RIPOR3: variants seen among roughly 807,000 people sequenced by gnomAD.
The protein encoded by RIPOR3 is RIPOR family member 3, also known as family with sequence similarity 65 member C.
RIPOR3 carries 95 observed loss-of-function variants against 114.3 expected under a neutral mutation model. The observed-to-expected ratio is 0.83, with a 90% CI of 0.70 to 0.99. The LOEUF (loss-of-function observed/expected upper bound fraction) is 0.99, where lower values mean the gene tolerates loss of function less well. RIPOR3 is among the 50% of genes least tolerant of loss of function. The pLI is 0.00. For missense variants in RIPOR3, 1,252 were observed against 1,266.9 expected (o/e 0.99, Z 0.18); for synonymous variants, 575 against 543.8 (o/e 1.06, Z -0.80).
Position 50,623,400 on chromosome 20 carries a change from C to T in RIPOR3, c.123-3268G>A, listed in dbSNP as rs569299491. Among the ~76,000 whole-genome samples, 241 of 152,126 alleles carry T rather than the reference C, an allele frequency of 1.6e-3. 3 individuals are homozygous for T. The highest frequency in any genetic ancestry group is 5.5e-3 in the African/African-American group (229 of 41,516). On this transcript the variant is annotated intron_variant, in intron 2 of 21. Coordinates refer to ENST00000327979, the MANE Select transcript of RIPOR3 (RefSeq NM_001290268.2). The stretch of plus-strand genomic sequence containing the variant: ...GGCCCCTGCAGGCAGAGCGGGATAG[C>T]GAGTGCACCCCTGGGTGTTCCCAGC...
intron 1 of RIPOR3, among the ~76,000 whole-genome samples, chr20:50,665,479 G>A (rs1389150376): frequency 6.7e-6 from 1 of 149,536 alleles, no homozygotes; most frequent in African/African-American, 2.5e-5. Flanking sequence ...GGAGGGCAGT[G>A]GTGTGATCTC....
intron 1 of RIPOR3, among the ~76,000 whole-genome samples, chr20:50,686,291 C>T (rs2087020429): frequency 1.3e-5 from 2 of 151,894 alleles, no homozygotes; most frequent in African/African-American, 4.8e-5. Flanking sequence ...CTCCTGACCT[C>T]GTGATCCACC....
chr20:50,677,922 G>A (rs1159900360), intron 1 of RIPOR3, among the ~76,000 whole-genome samples: 10 of 151,546 alleles, frequency 6.6e-5, no homozygotes, highest in South Asian at 4.2e-4. Context: ...CACCTGTCCC[G>A]ACCTCCCAAA....
At chr20:50,588,614 A>G (rs2082999686) in intron 20 of RIPOR3, among the ~76,000 whole-genome samples, 1 of 152,164 alleles carries the variant, frequency 6.6e-6, no homozygotes, top group Non-Finnish European at 1.5e-5. Context: ...GTTTTTTTAA[A>G]GCTTTATGCA....
At chr20:50,632,503 C>T (rs909727996) in intron 1 of RIPOR3, among the ~76,000 whole-genome samples, 2 of 152,180 alleles carry the variant, frequency 1.3e-5, no homozygotes, top group Admixed American at 6.5e-5. Context: ...CGGCTTCTAG[C>T]CCGGATGGAG....
chr20:50,587,240 T>G lies in RIPOR3; in HGVS notation c.2845A>C (p.Ile949Leu), dbSNP rs761339265. Residue 949 changes from isoleucine (I) to leucine (L), a missense_variant, in exon 22 of 22, where the codon ATA (isoleucine) becomes CTA (leucine). Transcript: ENST00000327979. Reference sequence around the variant, plus strand: ...TCATCAGCCAGGATTTTTTAAAATATTGTGATTTCAACATCTGCCTCCTGG... The same window carrying G: ...TCATCAGCCAGGATTTTTTAAAATAGTGTGATTTCAACATCTGCCTCCTGG... ...FCQEADVEIT[I>L]F The G allele has an allele frequency of 6.2e-7, 1 of 1,613,610 alleles. No individual in the cohort carries two copies. The highest frequency in any genetic ancestry group is 2.2e-5 in the East Asian group (1 of 44,900).
chr20:50,625,307 A>C (rs2084578023), intron 2 of RIPOR3, among the ~76,000 whole-genome samples: 1 of 152,100 alleles, frequency 6.6e-6, no homozygotes, highest in Non-Finnish European at 1.5e-5. Flanking sequence ...CCTGAGCTCA[A>C]GTGATCCGCC....
chr20:50,632,628 G>A (rs1010754915), intron 1 of RIPOR3, among the ~76,000 whole-genome samples: 6 of 152,252 alleles, frequency 3.9e-5, no homozygotes, highest in African/African-American at 1.4e-4. Context: ...TGTACAGATG[G>A]GGAAGTTGAG....
intron 1 of RIPOR3, among the ~76,000 whole-genome samples, chr20:50,651,219 G>GC (rs973613494): frequency 2.0e-5 from 3 of 152,140 alleles, no homozygotes; most frequent in African/African-American, 7.2e-5. Context: ...GCTGAAAGCA[G>GC]CCCCCCAGTG....
intron 1 of RIPOR3, among the ~76,000 whole-genome samples, chr20:50,633,563 G>A (rs2084888204): frequency 6.6e-6 from 1 of 152,184 alleles, no homozygotes; most frequent in African/African-American, 2.4e-5. Context: ...ATTCCCAAAG[G>A]TGAGTAGTTG....
intron 1 of RIPOR3, among the ~76,000 whole-genome samples, chr20:50,666,078 C>T (rs2086180497): frequency 6.6e-6 from 1 of 151,172 alleles, no homozygotes; most frequent in Admixed American, 6.6e-5. Flanking sequence ...AGAATGAAGA[C>T]CAAGGAAGGG....
Position 50,673,315 on chromosome 20 carries a change from T to C in RIPOR3, c.3+17811A>G, listed in dbSNP as rs150906202. On this transcript the variant is annotated intron_variant, in intron 1 of 21. Coordinates refer to ENST00000327979, the MANE Select transcript of RIPOR3 (RefSeq NM_001290268.2). ...TGGTCCCTACGTTAGGGAGGGGCGG[T>C]CCCAGGCCCAGCTGGTCAGTGAGGG... Among the ~76,000 whole-genome samples the C allele has an allele frequency of 5.4e-3, 827 of 152,110 alleles. 9 individuals are homozygous for C. The highest frequency in any genetic ancestry group is 0.019 in the African/African-American group (799 of 41,488).
intron 19 of RIPOR3, among the ~76,000 whole-genome samples, chr20:50,590,313 ATG>A (rs2122858492): frequency 1.3e-5 from 2 of 152,278 alleles, no homozygotes; most frequent in Admixed American, 1.3e-4. Flanking sequence ...CACTTGCTTC[ATG>A]TGTTATTGTA....
intron 1 of RIPOR3, among the ~76,000 whole-genome samples, chr20:50,678,712 ATAAC>A (rs2086756203): frequency 6.6e-6 from 1 of 152,192 alleles, no homozygotes; most frequent in Admixed American, 6.5e-5. Context: ...TCTTGAATAA[ATAAC>A]AAAAGCTGGC....
At chr20:50,665,106 A>T (rs755666159) in intron 1 of RIPOR3, among the ~76,000 whole-genome samples, 9 of 152,000 alleles carry the variant, frequency 5.9e-5, no homozygotes, top group Non-Finnish European at 1.2e-4. Context: ...TGTCTCAAAA[A>T]TAAAACCCAA....
chr20:50,611,616 A>G (rs1207979725), intron 4 of RIPOR3, among the ~76,000 whole-genome samples: 44 of 152,238 alleles, frequency 2.9e-4, no homozygotes, highest in Non-Finnish European at 2.9e-5. Flanking sequence ...TGACAAAAGA[A>G]CATGAGGGGG....
intron 1 of RIPOR3, among the ~76,000 whole-genome samples, chr20:50,659,073 C>G (rs1015408101): frequency 6.6e-6 from 1 of 152,144 alleles, no homozygotes; most frequent in Admixed American, 6.6e-5. Flanking sequence ...CAAGTTCTTC[C>G]AGACCGATTA....
chr20:50,615,581 G>A (rs1286777209), intron 4 of RIPOR3, among the ~76,000 whole-genome samples: 1 of 150,072 alleles, frequency 6.7e-6, no homozygotes. Context: ...AACGCTGCCT[G>A]TCAGCTGGGC....
chr20:50,596,214 C>G lies in RIPOR3; in HGVS notation c.1840G>C (p.Glu614Gln), dbSNP rs1430284216. The G allele has an allele frequency of 4.3e-6, 7 of 1,614,036 alleles. No homozygotes were observed. The highest frequency in any genetic ancestry group is 1.7e-5 in the Admixed American group (1 of 60,006). ...PPSSLKASSR[E>Q]LTAGAPELDV... The stretch of plus-strand genomic sequence containing the variant: ...AGCTCTGGGGCACCGGCTGTGAGTT[C>G]CCTGGATGACGCTTTCAGTGATGAC... The change falls in exon 15 of 22, where the codon GAA becomes CAA. Residue 614 changes from glutamate (E) to glutamine (Q), a missense_variant. Coordinates refer to ENST00000327979, the MANE Select transcript of RIPOR3 (RefSeq NM_001290268.2).
Sources: allele counts gnomAD v4.1 joint callset (sites outside exome capture counted in the v4.1 genomes callset), GRCh38; gene constraint gnomAD v4.1.1; transcripts MANE v1.5; gene names NCBI Gene and HGNC (gene_info 2026-07-23, HGNC 2026-07-21).